The following CUBN variants were observed in gnomAD, a reference collection of about 807,000 sequenced individuals.
CUBN encodes the protein cubilin, also known as 460 kDa receptor.
In CUBN, 282 loss-of-function variants were observed where a neutral mutation model predicts 405.3. The ratio of observed to expected loss-of-function variants is 0.70; its 90% confidence interval spans 0.63 to 0.77. The LOEUF is 0.77. CUBN is among the 30% of genes least tolerant of loss of function. The pLI is 0.00. For synonymous variants in CUBN, 1,684 were observed against 1,617.0 expected, an observed-to-expected ratio of 1.04 and a Z score of -0.99; for missense variants, 4,514 against 4,475.2, an observed-to-expected ratio of 1.01 and a Z score of -0.25.
At chr10:16,922,971 T>G (rs1303740342) in intron 43 of CUBN, among the ~76,000 whole-genome samples, 1 of 151,952 alleles carries the variant, frequency 6.6e-6, no homozygotes, top group African/African-American at 2.4e-5. Flanking sequence ...CAACTCAGCT[T>G]ACTGAGCAGC....
chr10:16,853,269 T>G (rs1839772170), intron 59 of CUBN, among the ~76,000 whole-genome samples: 1 of 152,220 alleles, frequency 6.6e-6, no homozygotes. Flanking sequence ...GGTGCTGAAA[T>G]TAATGTCTAT....
At chr10:17,094,088 A>G (rs1836322049) in intron 14 of CUBN, among the ~76,000 whole-genome samples, 1 of 152,088 alleles carries the variant, frequency 6.6e-6, no homozygotes, top group South Asian at 2.1e-4. Flanking sequence ...AAGCAGGACA[A>G]ACACAGAGAA....
chr10:17,038,560 T>C (rs1834947442), intron 27 of CUBN, among the ~76,000 whole-genome samples: 1 of 152,232 alleles, frequency 6.6e-6, no homozygotes, highest in African/African-American at 2.4e-5. Flanking sequence ...TTTTGTAGTT[T>C]CCATTTTATT....
intron 22 of CUBN, among the ~76,000 whole-genome samples, chr10:17,049,230 C>T (rs1367662577): frequency 6.6e-6 from 1 of 152,120 alleles, no homozygotes; most frequent in Non-Finnish European, 1.5e-5. Flanking sequence ...AGTAATGAAA[C>T]TTACTAAGCT....
rs936909510 is a variant in CUBN, at chr10:16,968,032, GGAGA to G, written c.4696-13488_4696-13485del. On this transcript the variant is annotated intron_variant, in intron 31 of 66. Coordinates refer to ENST00000377833, the MANE Select transcript of CUBN (RefSeq NM_001081.4). ...AAGAGAGGGAGAGAGGAAGAGGAGG[GGAGA>G]GAGAGAGACTGGTTTCTGTCATGGA... is the stretch of plus-strand genomic sequence containing the variant. Among the ~76,000 whole-genome samples the G allele has an allele frequency of 1.3e-4, 19 of 150,928 alleles. 5 individuals carry two copies. Among genetic ancestry groups the G allele is most frequent in the Admixed American group, 2.0e-4 (3 of 15,126 alleles).
In CUBN at chr10:17,059,795, C is replaced by T. The variant is rs553336388; in HGVS notation, c.3139+5713G>A. Reference sequence around the variant, plus strand: ...CTTTTTCTTTTCCCTCTCAGATGACCAGTGCAGATTCATATAGAAATAAGC... The same window carrying T: ...CTTTTTCTTTTCCCTCTCAGATGACTAGTGCAGATTCATATAGAAATAAGC... On this transcript the variant is annotated intron_variant, in intron 22 of 66. Coordinates refer to ENST00000377833, the MANE Select transcript of CUBN (RefSeq NM_001081.4). Among the ~76,000 whole-genome samples the T allele has an allele frequency of 5.9e-5, 9 of 152,268 alleles. No individual in the cohort carries two copies. The South Asian group carries it at 1.9e-3, about 32-fold the overall frequency.
chr10:16,867,225 T>C lies in CUBN; in HGVS notation c.9454+2411A>G, dbSNP rs1008555071. 2.0e-5 allele frequency among the ~76,000 whole-genome samples: 3 copies of C among 152,180 alleles called. No homozygotes were observed. In the East Asian group the frequency reaches 5.8e-4, roughly 29 times the overall value. ...AAAATCCACTATCTGGTCCACAAAGTTGATTTCCCTCTCTTCAGGGGAAAG... is the reference window on the plus strand; with the variant it reads ...AAAATCCACTATCTGGTCCACAAAGCTGATTTCCCTCTCTTCAGGGGAAAG... On this transcript the variant is annotated intron_variant, in intron 59 of 66. Transcript: ENST00000377833.
At position 16,831,407 on chromosome 10, in the gene CUBN, C is replaced by T; in HGVS notation, c.10373G>A (p.Gly3458Glu). Residue 3458 changes from glycine (G) to glutamate (E), a missense_variant, in exon 65 of 67, where the codon GGA becomes GAA. Physicochemically the swap from Gly to Glu is moderately conservative, Grantham distance 98. Transcript: ENST00000377833. ...CAGTAATGGTGAATTGCTGTTACTTCCATTTCTCACCTTTAGGAAGGAGTC... is the reference window on the plus strand; with the variant it reads ...CAGTAATGGTGAATTGCTGTTACTTTCATTTCTCACCTTTAGGAAGGAGTC... ...CRNDFLEVRN[G>E]SNSNSPLLGK... The T allele has an allele frequency of 6.2e-7, 1 of 1,613,696 alleles. No individual in the cohort carries two copies. Among genetic ancestry groups the T allele is most frequent in the South Asian group, 1.1e-5 (1 of 91,076 alleles).
chr10:17,127,574 C>T (rs1042365831), intron 3 of CUBN, among the ~76,000 whole-genome samples: 2 of 151,578 alleles, frequency 1.3e-5, no homozygotes, highest in Non-Finnish European at 2.9e-5. Context: ...TATTAATCAT[C>T]CATTCACTTG....
At position 17,068,599 on chromosome 10, in the gene CUBN, T is replaced by A. The variant is rs78549445; in HGVS notation, c.2791+6A>T. 2 of 1,607,384 alleles carry A rather than the reference T, an allele frequency of 1.2e-6. No homozygotes were observed. The stretch of plus-strand genomic sequence containing the variant: ...GGAGGAAAAAAAAAAGGGAACAGTC[T>A]CTTACCCAAATCCTCAGCACTGAAC... On this transcript the variant is annotated splice_donor_region_variant and intron_variant, in intron 20 of 66. Coordinates refer to ENST00000377833, the MANE Select transcript of CUBN (RefSeq NM_001081.4).
At chr10:17,076,805 G>A (rs531298951) in intron 17 of CUBN, among the ~76,000 whole-genome samples, 3 of 152,124 alleles carry the variant, frequency 2.0e-5, no homozygotes, top group African/African-American at 4.8e-5. Context: ...GTCTCAGGAC[G>A]GTGAAGGCAC....
chr10:16,977,586 C>T (rs2131684799), intron 31 of CUBN, among the ~76,000 whole-genome samples: 1 of 152,278 alleles, frequency 6.6e-6, no homozygotes, highest in South Asian at 2.1e-4. Context: ...CCTGCATTCA[C>T]CATCCTTCAA....
intron 40 of CUBN, among the ~76,000 whole-genome samples, chr10:16,931,725 G>A (rs1842369490): frequency 6.6e-6 from 1 of 152,130 alleles, no homozygotes; most frequent in Non-Finnish European, 1.5e-5. Context: ...AGGTAGAACG[G>A]GTTTGGAGCC....
At chr10:16,897,077 A>G (rs1364874776) in intron 54 of CUBN, among the ~76,000 whole-genome samples, 1 of 152,182 alleles carries the variant, frequency 6.6e-6, no homozygotes, top group Non-Finnish European at 1.5e-5. Flanking sequence ...CTCGTCAGTG[A>G]TTGTTGAAGC....
intron 31 of CUBN, among the ~76,000 whole-genome samples, chr10:16,958,965 C>T (rs1295106104): frequency 6.6e-6 from 1 of 152,210 alleles, no homozygotes; most frequent in African/African-American, 2.4e-5. Flanking sequence ...AAGGTGGTAC[C>T]TTGAATGGTG....
At chr10:17,013,491 T>G (rs574290484) in intron 28 of CUBN, among the ~76,000 whole-genome samples, 10 of 152,138 alleles carry the variant, frequency 6.6e-5, no homozygotes, top group Non-Finnish European at 1.0e-4. Flanking sequence ...CAGCCACTTA[T>G]GCTGCTGTTC....
intron 28 of CUBN, among the ~76,000 whole-genome samples, chr10:16,992,173 T>C (rs1833609609): frequency 1.3e-5 from 2 of 151,444 alleles, no homozygotes; most frequent in Admixed American, 1.3e-4. Flanking sequence ...TTCTCACTCA[T>C]AGGTGGGAAT....
intron 65 of CUBN, among the ~76,000 whole-genome samples, chr10:16,829,949 T>TG (rs1838931131): frequency 9.3e-5 from 14 of 150,514 alleles, no homozygotes; most frequent in Admixed American, 5.3e-4. Flanking sequence ...TTTGTTTTTT[T>TG]TTTTGAGACG....
intron 19 of CUBN, among the ~76,000 whole-genome samples, chr10:17,071,050 T>G (rs561549445): frequency 2.5e-4 from 38 of 152,324 alleles, no homozygotes; most frequent in Non-Finnish European, 4.4e-4. Flanking sequence ...ACTCCTAGTT[T>G]GTTGAGTGTT....
Sources: gnomAD v4.1 joint callset for allele counts (sites outside exome capture counted in the v4.1 genomes callset) on GRCh38, gnomAD v4.1.1 for gene constraint, MANE v1.5 for transcripts, NCBI Gene and HGNC (gene_info 2026-07-23, HGNC 2026-07-21) for gene names.